LGALS8: variants seen among roughly 807,000 people sequenced by gnomAD.
LGALS8 encodes galectin 8.
Under a neutral mutation model 35.9 loss-of-function variants are expected in LGALS8, and 30 were observed. That is an observed-to-expected ratio of 0.83 (90% CI 0.62 to 1.13). The LOEUF is 1.13. Among genes scored for constraint, LGALS8 ranks in the 50% most tolerant of loss-of-function variants. The probability of loss-of-function intolerance (pLI) is 0.00; values close to 1 mark genes in which losing one functional copy is unlikely to be tolerated. For synonymous variants in LGALS8, 138 were observed against 136.1 expected, an observed-to-expected ratio of 1.01 and a Z score of -0.10; for missense variants, 366 against 388.7, an observed-to-expected ratio of 0.94 and a Z score of 0.49.
intron 7 of LGALS8, 133 bp from the exon 8 acceptor site, chr1:236,543,427 G>A: frequency 1.3e-6 from 1 of 756,954 alleles, no homozygotes; most frequent in Non-Finnish European, 2.4e-6. Flanking sequence ...TGGGACCAAG[G>A]CAGACTGTCT....
chr1:236,522,549 C>T (rs184234906), upstream of LGALS8, among the ~76,000 whole-genome samples: 66 of 152,204 alleles, frequency 4.3e-4, no homozygotes, highest in Non-Finnish European at 5.4e-4. Context: ...CTCAAAGTGG[C>T]GGGGCTGGGG....
upstream of LGALS8, among the ~76,000 whole-genome samples, chr1:236,518,885 G>A (rs12132981): frequency 0.026 from 3,900 of 152,196 alleles, 67 homozygotes; most frequent in Non-Finnish European, 0.041. Context: ...AAGTGACACA[G>A]CAACAAAACA....
At chr1:236,539,670 G>A (rs1661831094) in intron 4 of LGALS8, among the ~76,000 whole-genome samples, 1 of 152,186 alleles carries the variant, frequency 6.6e-6, no homozygotes, top group Non-Finnish European at 1.5e-5. Context: ...CCACAGTAGA[G>A]GTATGTACCA....
Position 236,526,216 on chromosome 1 carries a change from A to T in LGALS8, c.45+101A>T. On this transcript the variant is annotated intron_variant, in intron 2 of 9. Transcript: ENST00000366584. The surrounding 1 kb of genome is among the most constrained non-coding windows in gnomAD (Gnocchi z 4.6). ...ACAGGGCAAGAATAAAAGCCAGTGA[A>T]CATATTTAAAGCACCTACTATGTAA... 1 of 862,030 alleles carries T rather than the reference A, an allele frequency of 1.2e-6. No individual in the cohort carries two copies. Among genetic ancestry groups the T allele is most frequent in the South Asian group, 1.5e-5 (1 of 65,854 alleles). The allele number at this position is 862,030 out of a possible 1,614,324, so 53.4% of individuals were successfully genotyped here. A position where few individuals can be genotyped will look rare whatever the true frequency, so the allele number is the denominator to read the frequency against.
intron 2 of LGALS8, among the ~76,000 whole-genome samples, chr1:236,529,352 C>T (rs774909916): frequency 4.6e-5 from 7 of 151,956 alleles, no homozygotes; most frequent in Non-Finnish European, 8.8e-5. Flanking sequence ...GAAGCCGAGG[C>T]GAGAGGATCA....
chr1:236,527,549 A>G (rs1440615052), intron 2 of LGALS8, among the ~76,000 whole-genome samples: 1 of 152,120 alleles, frequency 6.6e-6, no homozygotes, highest in Non-Finnish European at 1.5e-5. Flanking sequence ...AGAGTCGGAA[A>G]GGTTAGAGGT....
intron 4 of LGALS8, among the ~76,000 whole-genome samples, chr1:236,539,748 GAA>G (rs1661839770): frequency 6.6e-6 from 1 of 152,188 alleles, no homozygotes; most frequent in African/African-American, 2.4e-5. Flanking sequence ...GCTCCTGCCC[GAA>G]AGTCTTTCTG....
intron 4 of LGALS8, 27 bp from the exon 5 acceptor site, chr1:236,540,537 G>GA (rs765632304): frequency 1.3e-6 from 2 of 1,515,074 alleles, no homozygotes; most frequent in Admixed American, 2.3e-5. Context: ...GGTGGCGGGG[G>GA]GGGCTCTGTC....
intron 9 of LGALS8, among the ~76,000 whole-genome samples, chr1:236,547,533 T>C (rs1037214222): frequency 8.0e-5 from 11 of 137,452 alleles, no homozygotes; most frequent in African/African-American, 2.9e-4. Context: ...GGTTTGTTCA[T>C]GGTCCTAGAG....
intron 2 of LGALS8, among the ~76,000 whole-genome samples, chr1:236,528,546 A>ATTTTTTT (rs61261486): frequency 1.5e-4 from 16 of 104,228 alleles, no homozygotes; most frequent in African/African-American, 5.2e-4. Context: ...AATGTTTCCA[A>ATTTTTTT]TTTTTTTTTT....
chr1:236,521,148 G>A (rs974401028), upstream of LGALS8, among the ~76,000 whole-genome samples: 9 of 152,188 alleles, frequency 5.9e-5, no homozygotes, highest in African/African-American at 2.2e-4. Flanking sequence ...CTTATGATGG[G>A]TGAAGTAACA....
Position 236,543,574 on chromosome 1 carries a change from T to C in LGALS8, c.564T>C (p.Ala188=). 1 of 1,613,946 alleles carries C rather than the reference T, an allele frequency of 6.2e-7. No individual in the cohort carries two copies. Among genetic ancestry groups the C allele is most frequent in the Non-Finnish European group, 8.5e-7 (1 of 1,179,866 alleles). ...CTTCTTTTCAGAGGCTGCCATTCGCTGCAAGGTTGAACACCCCCATGGGCC... is the reference window on the plus strand; with the variant it reads ...CTTCTTTTCAGAGGCTGCCATTCGCCGCAAGGTTGAACACCCCCATGGGCC... ...SGTPQLRLPF[A]ARLNTPMGPG... Residue 188 remains alanine, a synonymous_variant, in exon 8 of 10, where the codon GCT becomes GCC. Coordinates refer to ENST00000366584, the MANE Select transcript of LGALS8 (RefSeq NM_201544.4).
At chr1:236,541,454 C>G (rs2799412) in intron 5 of LGALS8, 200 bp from the exon 6 acceptor site, 2 of 444,464 alleles carry the variant, frequency 4.5e-6, no homozygotes, top group Non-Finnish European at 8.0e-6. Context: ...CACCTTCTTG[C>G]TGACATTACA....
intron 1 of LGALS8, chr1:236,524,656 C>T (rs1660714820): frequency 5.8e-6 from 2 of 344,802 alleles, no homozygotes; most frequent in Admixed American, 3.8e-5. Context: ...CTGGCGGGAC[C>T]TGTCCCTGGG....
At chr1:236,521,506 G>A (rs1158928459), upstream of LGALS8, among the ~76,000 whole-genome samples, 3 of 152,148 alleles carry the variant, frequency 2.0e-5, no homozygotes, top group Non-Finnish European at 4.4e-5. Flanking sequence ...TGTAAGAACT[G>A]GATCTTTACT....
chr1:236,520,864 C>T (rs1660530351), upstream of LGALS8, among the ~76,000 whole-genome samples: 1 of 152,214 alleles, frequency 6.6e-6, no homozygotes, highest in African/African-American at 2.4e-5. Context: ...TTAATGCATT[C>T]TCAAGACCCT....
chr1:236,533,217 C>A (rs1661247485), intron 2 of LGALS8, among the ~76,000 whole-genome samples: 1 of 152,222 alleles, frequency 6.6e-6, no homozygotes, highest in African/African-American at 2.4e-5. Flanking sequence ...ACTGCCATTT[C>A]TACCTGAAGT....
rs1425642336 is a variant in LGALS8 at position 236,523,990 on chromosome 1, C to T, written c.-175C>T. 2.3e-5 allele frequency: 9 copies of T among 392,608 alleles called. No individual in the cohort carries two copies. Among genetic ancestry groups the T allele is most frequent in the South Asian group, 1.1e-4 (6 of 54,710 alleles). The allele number at this position is 392,608 out of a possible 1,614,324, so 24.3% of individuals were successfully genotyped here. On this transcript the variant is annotated 5_prime_UTR_variant, in exon 1 of 10. Coordinates refer to ENST00000366584, the MANE Select transcript of LGALS8 (RefSeq NM_201544.4). ...CGTAGCCGCCCACGGACGCCAGAGC[C>T]GGGAACCCTGACGGCACTTAGCTGC...
At chr1:236,533,629 T>C (rs819423) in intron 2 of LGALS8, among the ~76,000 whole-genome samples, 58,269 of 151,212 alleles carry the variant, frequency 0.39, 12,029 homozygotes, top group South Asian at 0.54. Flanking sequence ...CCACTGCGCC[T>C]GACCCCCATT....
Sources: allele counts gnomAD v4.1 joint callset (sites outside exome capture counted in the v4.1 genomes callset), GRCh38; gene constraint gnomAD v4.1.1; non-coding constraint Gnocchi (gnomAD v3.1); transcripts MANE v1.5; gene names NCBI Gene and HGNC (gene_info 2026-07-23, HGNC 2026-07-21).